COMMD10: variants seen among roughly 807,000 people sequenced by gnomAD.
The protein encoded by COMMD10 is COMM domain containing 10, also known as COMM domain-containing protein 10.
A neutral mutation model predicts 28.9 loss-of-function variants in COMMD10; 33 were observed. The ratio of observed to expected loss-of-function variants is 1.14; its 90% CI spans 0.87 to 1.53. The LOEUF (loss-of-function observed/expected upper bound fraction) is 1.53. COMMD10 is among the 40% of genes most tolerant of loss of function. The probability of loss-of-function intolerance (pLI) is 0.00; values close to 1 mark genes in which losing one functional copy is unlikely to be tolerated. For missense variants in COMMD10, 310 were observed against 233.4 expected (o/e 1.33, Z -2.14); for synonymous variants, 110 against 81.7 (o/e 1.35, Z -1.87).
chr5:116,163,558 C>T (rs1752992280), intron 5 of COMMD10, among the ~76,000 whole-genome samples: 1 of 151,904 alleles, frequency 6.6e-6, no homozygotes, highest in African/African-American at 2.4e-5. Flanking sequence ...CATCGCGCTC[C>T]AGCCTGGGCA....
intron 4 of COMMD10, among the ~76,000 whole-genome samples, chr5:116,105,458 T>A (rs1750806724): frequency 6.6e-6 from 1 of 152,236 alleles, no homozygotes; most frequent in Admixed American, 6.5e-5. Flanking sequence ...GGTATTAGGA[T>A]GATGTTGGCC....
At chr5:116,240,981 C>A (rs1254413538) in intron 5 of COMMD10, among the ~76,000 whole-genome samples, 3 of 152,072 alleles carry the variant, frequency 2.0e-5, no homozygotes, top group African/African-American at 7.2e-5. Context: ...TTAAAACACA[C>A]TTGTTTTATT....
chr5:116,164,189 C>T (rs922568091), intron 5 of COMMD10, among the ~76,000 whole-genome samples: 6 of 152,008 alleles, frequency 3.9e-5, no homozygotes, highest in African/African-American at 1.2e-4. Context: ...GGTATGGTGG[C>T]GCACGCCTAT....
intron 5 of COMMD10, among the ~76,000 whole-genome samples, chr5:116,197,293 A>G (rs753956124): frequency 1.3e-5 from 2 of 152,158 alleles, no homozygotes; most frequent in Non-Finnish European, 2.9e-5. Context: ...TTACTTTGCA[A>G]AATGTCATTG....
intron 5 of COMMD10, among the ~76,000 whole-genome samples, chr5:116,218,921 C>T (rs1749173192): frequency 6.6e-6 from 1 of 152,086 alleles, no homozygotes; most frequent in Admixed American, 6.5e-5. Flanking sequence ...TATGTTGAAG[C>T]TGTCACTCCC....
At chr5:116,180,895 C>A (rs1001034256) in intron 5 of COMMD10, among the ~76,000 whole-genome samples, 2 of 152,050 alleles carry the variant, frequency 1.3e-5, no homozygotes, top group African/African-American at 4.8e-5. Flanking sequence ...GCTCATGTCT[C>A]TCATCCCAGC....
intron 5 of COMMD10, among the ~76,000 whole-genome samples, chr5:116,141,317 G>A (rs1752188970): frequency 6.6e-6 from 1 of 151,458 alleles, no homozygotes; most frequent in South Asian, 2.1e-4. Context: ...ATACTATTTT[G>A]GTTACTATAA....
At chr5:116,223,345 T>A (rs1468719212) in intron 5 of COMMD10, among the ~76,000 whole-genome samples, 1 of 137,444 alleles carries the variant, frequency 7.3e-6, no homozygotes, top group Non-Finnish European at 1.5e-5. Flanking sequence ...CTTATTACAA[T>A]GTAATATGTG....
intron 4 of COMMD10, among the ~76,000 whole-genome samples, chr5:116,101,871 A>G (rs1750676345): frequency 6.6e-6 from 1 of 151,982 alleles, no homozygotes; most frequent in Admixed American, 6.6e-5. Flanking sequence ...ATGTCTATTC[A>G]TGTCCTTTGC....
At chr5:116,108,648 C>T (rs2112733000) in intron 4 of COMMD10, among the ~76,000 whole-genome samples, 2 of 152,312 alleles carry the variant, frequency 1.3e-5, no homozygotes, top group South Asian at 4.1e-4. Flanking sequence ...CCTGCTGAGC[C>T]AGACCACTTT....
intron 5 of COMMD10, among the ~76,000 whole-genome samples, chr5:116,161,802 C>T (rs1020170876): frequency 8.6e-5 from 13 of 151,958 alleles, no homozygotes; most frequent in African/African-American, 2.2e-4. Context: ...GGAGAATAGA[C>T]GGAGGAGGTG....
At chr5:116,200,789 C>T (rs1239064777) in intron 5 of COMMD10, among the ~76,000 whole-genome samples, 2 of 151,962 alleles carry the variant, frequency 1.3e-5, no homozygotes. Context: ...TCTTGTACTT[C>T]CCATCTGTTA....
At chr5:116,122,621 T>C (rs1751475530) in intron 4 of COMMD10, among the ~76,000 whole-genome samples, 1 of 152,230 alleles carries the variant, frequency 6.6e-6, no homozygotes, top group African/African-American at 2.4e-5. Flanking sequence ...GAGCATGGAA[T>C]GCTCTTCCAT....
chr5:116,091,359 A>C (rs9326986), intron 3 of COMMD10, among the ~76,000 whole-genome samples, 170 bp downstream of exon 3: 77,839 of 151,982 alleles, frequency 0.51, 22,203 homozygotes, highest in Non-Finnish European at 0.65. Flanking sequence ...ATTGTAAAGT[A>C]TTTAAATATG....
chr5:116,115,706 G>A (rs1027361174), intron 4 of COMMD10, among the ~76,000 whole-genome samples: 34 of 151,962 alleles, frequency 2.2e-4, no homozygotes, highest in African/African-American at 7.5e-4. Context: ...GCTCTTTTAC[G>A]TGTATTCCTG....
intron 5 of COMMD10, among the ~76,000 whole-genome samples, chr5:116,224,028 G>A (rs1489407875): frequency 1.3e-5 from 2 of 152,066 alleles, no homozygotes; most frequent in Admixed American, 6.6e-5. Flanking sequence ...TCTCTTTTAC[G>A]TTTTTTAAGA....
At chr5:116,242,073 C>G (rs144859742) in intron 5 of COMMD10, among the ~76,000 whole-genome samples, 388 of 152,252 alleles carry the variant, frequency 2.5e-3, no homozygotes, top group Non-Finnish European at 4.4e-3. Context: ...TAAGGTAACT[C>G]TAATGTACAT....
chr5:116,209,256 T>G (rs1053959324), intron 5 of COMMD10, among the ~76,000 whole-genome samples: 3 of 151,804 alleles, frequency 2.0e-5, no homozygotes, highest in African/African-American at 7.2e-5. Context: ...AACAAGAGAT[T>G]AAGTGTAATA....
chr5:116,094,461 A>T (rs1386325868), intron 4 of COMMD10, among the ~76,000 whole-genome samples: 1 of 152,190 alleles, frequency 6.6e-6, no homozygotes, highest in Admixed American at 6.5e-5. Flanking sequence ...TCAAAACCAA[A>T]CATGCCATAT....
Sources: gnomAD v4.1 joint callset for allele counts (sites outside exome capture counted in the v4.1 genomes callset) on GRCh38, gnomAD v4.1.1 for gene constraint, MANE v1.5 for transcripts, NCBI Gene and HGNC (gene_info 2026-07-23, HGNC 2026-07-21) for gene names.